GPC6: variants seen among roughly 807,000 people sequenced by gnomAD.
The protein encoded by GPC6 is glypican 6.
GPC6 carries 14 observed loss-of-function variants against 55.2 expected under a neutral mutation model. That is an observed-to-expected ratio of 0.25 (90% CI 0.17 to 0.40). GPC6 has a LOEUF of 0.40. Among genes scored for constraint, GPC6 ranks in the 10% least tolerant of loss-of-function variants. The pLI is 1.00. For synonymous variants in GPC6, 278 were observed against 259.6 expected, an observed-to-expected ratio of 1.07 and a Z score of -0.68; for missense variants, 641 against 708.5, an observed-to-expected ratio of 0.90 and a Z score of 1.08.
At chr13:94,024,136 A>C (rs1012859191) in intron 3 of GPC6, among the ~76,000 whole-genome samples, 2 of 126,400 alleles carry the variant, frequency 1.6e-5, no homozygotes, top group Admixed American at 8.2e-5. Context: ...CACACACACA[A>C]GTGAATACAG....
intron 1 of GPC6, among the ~76,000 whole-genome samples, chr13:93,472,921 G>A (rs1166060341): frequency 3.3e-5 from 5 of 152,302 alleles, no homozygotes; most frequent in African/African-American, 9.6e-5. Context: ...TAGCAGAGAA[G>A]GTAGCTCTTC....
intron 4 of GPC6, among the ~76,000 whole-genome samples, chr13:94,262,874 G>A (rs1288304944): frequency 6.6e-6 from 1 of 152,142 alleles, no homozygotes; most frequent in East Asian, 1.9e-4. Context: ...ATGTAAAACA[G>A]AGAGCAAAAG....
intron 4 of GPC6, among the ~76,000 whole-genome samples, chr13:94,127,701 T>C (rs1886868161): frequency 6.6e-6 from 1 of 152,160 alleles, no homozygotes; most frequent in Non-Finnish European, 1.5e-5. Flanking sequence ...AAATTATTGC[T>C]ATTTCAATTG....
intron 4 of GPC6, among the ~76,000 whole-genome samples, chr13:94,272,827 G>A: frequency 6.6e-6 from 1 of 152,034 alleles, no homozygotes; most frequent in East Asian, 1.9e-4. Context: ...GCGTGATGGA[G>A]TAGAAAGATA....
intron 1 of GPC6, among the ~76,000 whole-genome samples, chr13:93,526,656 A>G (rs1465678825): frequency 6.6e-6 from 1 of 152,096 alleles, no homozygotes; most frequent in East Asian, 1.9e-4. Flanking sequence ...GGCTGAAGTT[A>G]ACTTTTCTGA....
At chr13:93,859,880 A>T in intron 3 of GPC6, among the ~76,000 whole-genome samples, 1 of 151,628 alleles carries the variant, frequency 6.6e-6, no homozygotes, top group East Asian at 2.0e-4. Context: ...GTGGGTTCCC[A>T]CTCATCTTAG....
intron 3 of GPC6, among the ~76,000 whole-genome samples, chr13:93,945,660 G>A (rs1294276492): frequency 6.6e-6 from 1 of 152,220 alleles, no homozygotes; most frequent in Non-Finnish European, 1.5e-5. Context: ...AGAGGTTGCA[G>A]TTTGACTTCC....
intron 3 of GPC6, among the ~76,000 whole-genome samples, chr13:94,026,582 A>G (rs1389905647): frequency 1.3e-5 from 2 of 152,174 alleles, no homozygotes; most frequent in Non-Finnish European, 2.9e-5. Flanking sequence ...CTAGTCATGA[A>G]TAAGAGTAGT....
In GPC6 at chr13:93,393,127, TAGAGAGAGAGAGAG is replaced by T. The variant is rs144440794; in HGVS notation, c.161-152117_161-152104del. On this transcript the variant is annotated intron_variant, in intron 1 of 8. Transcript: ENST00000377047. ...TATTTGATATATATATATATATATA[TAGAGAGAGAGAGAG>T]AGAGAGAGAGAGAGAGAGTGAGAGT... Among the ~76,000 whole-genome samples the T allele has an allele frequency of 1.3e-4, 11 of 87,622 alleles. No individual in the cohort carries two copies. In the South Asian group the frequency reaches 1.6e-3, roughly 13 times the overall value. 57.5% of individuals were successfully genotyped at this position (87,622 alleles called of 152,430 possible).
intron 4 of GPC6, among the ~76,000 whole-genome samples, 186 bp downstream of exon 4, chr13:94,028,080 C>T (rs945548035): frequency 3.9e-5 from 6 of 152,034 alleles, no homozygotes; most frequent in African/African-American, 1.2e-4. Context: ...GCCTGGACAA[C>T]ATAGTGAGAT....
At position 93,672,148 on chromosome 13, in the gene GPC6, GT is replaced by G. The variant is rs5805816; in HGVS notation, c.319+126742del. Among the ~76,000 whole-genome samples, 791 of 134,106 alleles carry G rather than the reference GT, an allele frequency of 5.9e-3. 8 individuals are homozygous for G. Among genetic ancestry groups the G allele is most frequent in the African/African-American group, 0.019 (715 of 37,980 alleles). The allele number at this position is 134,106 out of a possible 152,430, so 88.0% of individuals were successfully genotyped here. On this transcript the variant is annotated intron_variant, in intron 2 of 8. Coordinates refer to ENST00000377047, the MANE Select transcript of GPC6 (RefSeq NM_005708.5). ...TTTATATGATAGAATTAAGTTCTGG[GT>G]TTTTTTTTTTTTTTAGTAGCTAATA...
intron 4 of GPC6, among the ~76,000 whole-genome samples, chr13:94,156,428 A>G (rs1887942577): frequency 6.6e-6 from 1 of 152,196 alleles, no homozygotes; most frequent in South Asian, 2.1e-4. Flanking sequence ...ATATAGATAT[A>G]GACATAGATA....
intron 3 of GPC6, among the ~76,000 whole-genome samples, chr13:93,889,946 A>G (rs1372743739): frequency 6.6e-6 from 1 of 152,126 alleles, no homozygotes; most frequent in African/African-American, 2.4e-5. Context: ...ATAAAGATAC[A>G]TACCATTCTA....
intron 1 of GPC6, among the ~76,000 whole-genome samples, chr13:93,258,294 GTGA>G (rs1566543653): frequency 1.3e-5 from 2 of 152,180 alleles, no homozygotes; most frequent in Non-Finnish European, 1.5e-5. Flanking sequence ...AGCAGCAACA[GTGA>G]AGAACTCATT....
chr13:93,927,381 T>C lies in GPC6; in HGVS notation c.711+96836T>C, dbSNP rs116747729. Among the ~76,000 whole-genome samples the C allele has an allele frequency of 4.7e-3, 712 of 152,328 alleles. 5 individuals carry two copies. The highest frequency in any genetic ancestry group is 0.016 in the African/African-American group (685 of 41,578). Reference sequence around the variant, plus strand: ...TTTTCCTTCCTTACTATCATCTTGCTGTCAAACTTCTTGAGGTTAACTTGG... The same window carrying C: ...TTTTCCTTCCTTACTATCATCTTGCCGTCAAACTTCTTGAGGTTAACTTGG... On this transcript the variant is annotated intron_variant, in intron 3 of 8. Transcript: ENST00000377047.
At chr13:93,767,168 C>T (rs538008096) in intron 2 of GPC6, among the ~76,000 whole-genome samples, 17 of 152,072 alleles carry the variant, frequency 1.1e-4, no homozygotes, top group South Asian at 2.1e-4. Flanking sequence ...AGAGATGTGC[C>T]GTAATGAAGG....
rs61370011 is a variant in GPC6, at chr13:93,499,091, TCA to T, written c.161-46145_161-46144del. ...ATAGTATATCCACAATCCTTAATTGTCACACACACACACACACACACACACAC... is the reference window on the plus strand; with the variant it reads ...ATAGTATATCCACAATCCTTAATTGTCACACACACACACACACACACACAC... On this transcript the variant is annotated intron_variant, in intron 1 of 8. Coordinates refer to ENST00000377047, the MANE Select transcript of GPC6 (RefSeq NM_005708.5). Among the ~76,000 whole-genome samples the T allele has an allele frequency of 5.4e-3, 723 of 133,736 alleles. 5 individuals carry two copies. Among genetic ancestry groups the T allele is most frequent in the African/African-American group, 0.017 (691 of 40,012 alleles). The allele number at this position is 133,736 out of a possible 152,430, so 87.7% of individuals were successfully genotyped here.
chr13:93,767,219 G>A (rs1885153716), intron 2 of GPC6, among the ~76,000 whole-genome samples: 1 of 152,148 alleles, frequency 6.6e-6, no homozygotes, highest in African/African-American at 2.4e-5. Flanking sequence ...TATCAGAACA[G>A]AAGCAGCTGT....
chr13:94,182,353 GA>G (rs1453194979), intron 4 of GPC6, among the ~76,000 whole-genome samples: 1 of 152,220 alleles, frequency 6.6e-6, no homozygotes, highest in African/African-American at 2.4e-5. Context: ...GCATCAGGTA[GA>G]GGTCAGGTGA....
Sources: allele counts gnomAD v4.1 joint callset (sites outside exome capture counted in the v4.1 genomes callset), GRCh38; gene constraint gnomAD v4.1.1; transcripts MANE v1.5; gene names NCBI Gene and HGNC (gene_info 2026-07-23, HGNC 2026-07-21).